RERE: variants seen among roughly 807,000 people sequenced by gnomAD.
The protein encoded by RERE is arginine-glutamic acid dipeptide repeats.
In RERE, 40 loss-of-function variants were observed where a neutral mutation model predicts 146.1. The ratio of observed to expected loss-of-function variants is 0.27; its 90% CI spans 0.21 to 0.36. RERE has a LOEUF of 0.36. RERE is among the 10% of genes least tolerant of loss of function. The pLI is 1.00. For synonymous variants in RERE, 1,003 were observed against 866.0 expected (o/e 1.16, Z -2.78); for missense variants, 1,933 against 2,138.7 (o/e 0.90, Z 1.90).
At chr1:8,414,055 CAA>C (rs71580026) in intron 12 of RERE, among the ~76,000 whole-genome samples, 16 of 91,728 alleles carry the variant, frequency 1.7e-4, no homozygotes, top group East Asian at 3.2e-4. Flanking sequence ...AACTCCATCT[CAA>C]AAAAAAAAAA....
chr1:8,801,897 T>C (rs974381270), intron 1 of RERE, among the ~76,000 whole-genome samples: 2 of 152,266 alleles, frequency 1.3e-5, no homozygotes, highest in African/African-American at 4.8e-5. Flanking sequence ...AAGTGAAGTT[T>C]ACATCCATAC....
chr1:8,394,576 T>C (rs189032035), intron 12 of RERE, among the ~76,000 whole-genome samples: 25 of 152,254 alleles, frequency 1.6e-4, no homozygotes, highest in African/African-American at 6.0e-4. Context: ...GTAATTTAAC[T>C]TAAGAAAGGA....
intron 7 of RERE, among the ~76,000 whole-genome samples, chr1:8,534,942 T>C (rs1480640414): frequency 6.6e-6 from 1 of 151,970 alleles, no homozygotes; most frequent in Non-Finnish European, 1.5e-5. Context: ...ACACCATAAA[T>C]GCAAACTGAG....
chr1:8,453,782 C>G (rs1644417089), intron 11 of RERE, among the ~76,000 whole-genome samples: 1 of 151,812 alleles, frequency 6.6e-6, no homozygotes, highest in Non-Finnish European at 1.5e-5. Context: ...CTGGTCCAGC[C>G]TGGGCAACAG....
At chr1:8,549,525 A>T (rs1420517154) in intron 6 of RERE, among the ~76,000 whole-genome samples, 2 of 152,196 alleles carry the variant, frequency 1.3e-5, no homozygotes, top group Non-Finnish European at 2.9e-5. Context: ...AAGAAAAAAA[A>T]ATGAAAAACC....
intron 4 of RERE, among the ~76,000 whole-genome samples, chr1:8,583,148 T>C (rs1646388021): frequency 6.6e-6 from 1 of 152,218 alleles, no homozygotes; most frequent in Non-Finnish European, 1.5e-5. Flanking sequence ...AGTAAAACTC[T>C]GGTTCAATAA....
chr1:8,689,103 T>A (rs1570611128), intron 1 of RERE, among the ~76,000 whole-genome samples: 1 of 151,540 alleles, frequency 6.6e-6, no homozygotes, highest in South Asian at 2.1e-4. Context: ...AAGTAAAAAT[T>A]TGATTTTTTT....
chr1:8,747,818 C>G lies in RERE; in HGVS notation c.-145+69342G>C, dbSNP rs184295842. 5.2e-3 allele frequency among the ~76,000 whole-genome samples: 791 copies of G among 152,216 alleles called. 4 individuals carry two copies. Among genetic ancestry groups the G allele is most frequent in the Non-Finnish European group, 8.8e-3 (599 of 68,010 alleles). Reference sequence around the variant, plus strand: ...ACAGAGCTTTGCTCTGTCGCCCGCGCTGGAGTACAATGGCACAATCTCAGC... The same window carrying G: ...ACAGAGCTTTGCTCTGTCGCCCGCGGTGGAGTACAATGGCACAATCTCAGC... On this transcript the variant is annotated intron_variant, in intron 1 of 22. Transcript: ENST00000400908.
chr1:8,721,745 C>T (rs1350617585), intron 1 of RERE, among the ~76,000 whole-genome samples: 6 of 152,204 alleles, frequency 3.9e-5, no homozygotes, highest in African/African-American at 1.4e-4. Flanking sequence ...ATTTTAATTA[C>T]TATCTGGCAA....
intron 4 of RERE, among the ~76,000 whole-genome samples, chr1:8,610,336 A>T (rs1304136289): frequency 6.6e-6 from 1 of 152,068 alleles, no homozygotes; most frequent in Non-Finnish European, 1.5e-5. Flanking sequence ...CACGCCTGTA[A>T]TCCCAGCACT....
chr1:8,730,491 C>T (rs1294666259), intron 1 of RERE, among the ~76,000 whole-genome samples: 3 of 152,018 alleles, frequency 2.0e-5, no homozygotes, highest in African/African-American at 7.3e-5. Context: ...TACAGGCATG[C>T]GTCCCCACAC....
chr1:8,375,498 A>AAGCCACTGAAAATGCTTCCTCACTCAGC (rs1557597231), intron 12 of RERE, among the ~76,000 whole-genome samples: 3 of 151,808 alleles, frequency 2.0e-5, no homozygotes, highest in Admixed American at 6.6e-5. Context: ...GTGGCTTAGG[A>AAGCCACTGAAAATGCTTCCTCACTCAGC]AGCCACTGAA....
chr1:8,362,189 G>T (rs1641605965), intron 16 of RERE, among the ~76,000 whole-genome samples: 1 of 152,190 alleles, frequency 6.6e-6, no homozygotes, highest in South Asian at 2.1e-4. Flanking sequence ...ATTATCTCCT[G>T]AACTAGACAG....
At chr1:8,592,563 C>T (rs2124105736) in intron 4 of RERE, among the ~76,000 whole-genome samples, 1 of 152,022 alleles carries the variant, frequency 6.6e-6, no homozygotes, top group South Asian at 2.1e-4. Flanking sequence ...TGAGCCACTG[C>T]ATCCAGCCTA....
chr1:8,408,854 G>A (rs982110609), intron 12 of RERE, among the ~76,000 whole-genome samples: 6 of 152,178 alleles, frequency 3.9e-5, no homozygotes, highest in African/African-American at 1.4e-4. Context: ...GGGGCAGGAG[G>A]TGGTGGTGGT....
At chr1:8,508,305 T>G (rs1384288674) in intron 8 of RERE, among the ~76,000 whole-genome samples, 1 of 152,232 alleles carries the variant, frequency 6.6e-6, no homozygotes, top group Non-Finnish European at 1.5e-5. Context: ...GAATGGTGAT[T>G]GCCAATGCTG....
Position 8,470,055 on chromosome 1 carries a change from T to C in RERE, c.1105-4032A>G, listed in dbSNP as rs1644659633. Among the ~76,000 whole-genome samples, 5 of 152,268 alleles carry C rather than the reference T, an allele frequency of 3.3e-5. No homozygotes were observed. In the South Asian group the frequency reaches 1.0e-3, roughly 32 times the overall value. ...AACTCGAGCTTCCTTCCCTACTCTG[T>C]TCTCTATATAATGGCGGATTCTCTC... is the stretch of plus-strand genomic sequence containing the variant. On this transcript the variant is annotated intron_variant, in intron 10 of 22. Coordinates refer to ENST00000400908, the MANE Select transcript of RERE (RefSeq NM_001042681.2).
chr1:8,766,444 G>A (rs748461325), intron 1 of RERE, among the ~76,000 whole-genome samples: 2 of 151,528 alleles, frequency 1.3e-5, no homozygotes, highest in Non-Finnish European at 2.9e-5. Flanking sequence ...GGAGGCTGAC[G>A]TGGGAGAATC....
At chr1:8,531,005 TTTTCTATC>T (rs1247510147) in intron 7 of RERE, among the ~76,000 whole-genome samples, 12 of 143,224 alleles carry the variant, frequency 8.4e-5, no homozygotes, top group Non-Finnish European at 1.7e-4. Flanking sequence ...CTGAACTGAG[TTTTCTATC>T]TATCTATCTA....
Sources: allele counts gnomAD v4.1 joint callset (sites outside exome capture counted in the v4.1 genomes callset), GRCh38; gene constraint gnomAD v4.1.1; transcripts MANE v1.5; gene names NCBI Gene and HGNC (gene_info 2026-07-23, HGNC 2026-07-21).